Variants in ANKHD1 observed in about 807,000 individuals in gnomAD.
The protein encoded by ANKHD1 is ankyrin repeat and KH domain containing 1, also known as ankyrin repeat and KH domain-containing protein 1.
ANKHD1 carries 31 observed loss-of-function variants against 230.5 expected under a neutral mutation model. That is an observed-to-expected ratio of 0.13 (90% CI 0.10 to 0.18). The LOEUF (loss-of-function observed/expected upper bound fraction) is 0.18, where lower values mean the gene tolerates loss of function less well. ANKHD1 is among the 10% of genes least tolerant of loss of function. ANKHD1 has a pLI of 1.00. For missense variants in ANKHD1, 2,256 were observed against 3,071.3 expected (o/e 0.73, Z 6.27); for synonymous variants, 1,074 against 1,117.6 (o/e 0.96, Z 0.78).
Position 140,402,008 on chromosome 5 carries a change from A to G in ANKHD1, c.41A>G (p.Glu14Gly), listed in dbSNP as rs1769980626. The G allele has an allele frequency of 1.3e-6, 2 of 1,545,038 alleles. No homozygotes were observed. The highest frequency in any genetic ancestry group is 2.4e-5 in the South Asian group (2 of 82,036). Residue 14 changes from glutamate (E) to glycine (G), a missense_variant, in exon 1 of 34, where the codon GAG becomes GGG. Glu to Gly is a moderately conservative substitution (Grantham distance 98). Coordinates refer to ENST00000360839, the MANE Select transcript of ANKHD1 (RefSeq NM_017747.3). ...DSGGGGTSFEEDLDSVAPRSA... is the reference protein window; with the variant it reads ...DSGGGGTSFEGDLDSVAPRSA... ...GGAGGCGGCGGCACCTCCTTTGAGG[A>G]GGACCTGGACTCTGTGGCTCCGCGA...
At chr5:140,453,010 G>A (rs952318130) in intron 7 of ANKHD1, among the ~76,000 whole-genome samples, 32 of 152,194 alleles carry the variant, frequency 2.1e-4, no homozygotes, top group African/African-American at 6.3e-4. Context: ...AACCAGTGTA[G>A]AGAAGTCCTT....
chr5:140,427,260 G>A (rs904883386), intron 1 of ANKHD1, among the ~76,000 whole-genome samples: 2 of 148,556 alleles, frequency 1.3e-5, no homozygotes, highest in Non-Finnish European at 3.0e-5. Context: ...CGGGGTGGCT[G>A]GCCGGGCGGG....
chr5:140,486,915 A>T (rs746926426), intron 13 of ANKHD1, 43 bp from the exon 14 acceptor site: 2 of 1,590,982 alleles, frequency 1.3e-6, no homozygotes, highest in Non-Finnish European at 1.7e-6. Context: ...CCTTTGTCTT[A>T]TTCTTTGGTC....
At chr5:140,484,967 T>C in intron 11 of ANKHD1, 154 bp from the exon 12 acceptor site, 2 of 1,246,340 alleles carry the variant, frequency 1.6e-6, no homozygotes, top group East Asian at 6.2e-5. Context: ...CAGGTGTGTG[T>C]TCATTTTGTG....
At chr5:140,479,200 T>A (rs1751131858) in intron 10 of ANKHD1, among the ~76,000 whole-genome samples, 1 of 151,254 alleles carries the variant, frequency 6.6e-6, no homozygotes, top group East Asian at 2.0e-4. Context: ...GGTTTCACCA[T>A]GTTAGCTTGG....
chr5:140,511,049 C>A (rs1402741881), intron 22 of ANKHD1, among the ~76,000 whole-genome samples: 3 of 152,142 alleles, frequency 2.0e-5, no homozygotes, highest in Non-Finnish European at 2.9e-5. Context: ...TGGTCTCAAA[C>A]TCCTGGGCTC....
At chr5:140,422,084 A>G (rs749151692) in intron 1 of ANKHD1, among the ~76,000 whole-genome samples, 1 of 152,204 alleles carries the variant, frequency 6.6e-6, no homozygotes, top group Non-Finnish European at 1.5e-5. Context: ...TTTAAAGGTT[A>G]GAGTCCTTGG....
chr5:140,479,346 A>G (rs1751139840), intron 10 of ANKHD1, among the ~76,000 whole-genome samples: 1 of 152,294 alleles, frequency 6.6e-6, no homozygotes, highest in African/African-American at 2.4e-5. Flanking sequence ...GAACAGAAAA[A>G]GAAACATTAA....
chr5:140,516,291 CTA>C (rs1399863737), intron 24 of ANKHD1, among the ~76,000 whole-genome samples: 1 of 152,108 alleles, frequency 6.6e-6, no homozygotes, highest in Non-Finnish European at 1.5e-5. Context: ...AAATATGGGA[CTA>C]TGTGAAAAGA....
At chr5:140,487,965 G>A (rs1751582299) in intron 14 of ANKHD1, among the ~76,000 whole-genome samples, 1 of 152,150 alleles carries the variant, frequency 6.6e-6, no homozygotes, top group South Asian at 2.1e-4. Context: ...GCCAATTTTA[G>A]TAATTTAAAG....
In ANKHD1 at chr5:140,539,449, T is replaced by G; in HGVS notation, c.*31T>G. The G allele has an allele frequency of 6.2e-7, 1 of 1,604,058 alleles. No individual in the cohort carries two copies. The highest frequency in any genetic ancestry group is 1.1e-5 in the South Asian group (1 of 89,018). ...AAGGTCTTTACTCTTTAGCCTTGTTTAAGAAACCTATGACCTTGGAAGAAC... is the reference window on the plus strand; with the variant it reads ...AAGGTCTTTACTCTTTAGCCTTGTTGAAGAAACCTATGACCTTGGAAGAAC... On this transcript the variant is annotated 3_prime_UTR_variant, in exon 34 of 34. Coordinates refer to ENST00000360839, the MANE Select transcript of ANKHD1 (RefSeq NM_017747.3).
chr5:140,530,297 C>T (rs545875313), intron 29 of ANKHD1, among the ~76,000 whole-genome samples: 2 of 152,188 alleles, frequency 1.3e-5, no homozygotes, highest in East Asian at 3.9e-4. Flanking sequence ...CTGTAACCTC[C>T]GCCTCCTAGG....
At chr5:140,469,763 A>C (rs1776360350) in intron 10 of ANKHD1, among the ~76,000 whole-genome samples, 1 of 151,908 alleles carries the variant, frequency 6.6e-6, no homozygotes, top group Non-Finnish European at 1.5e-5. Flanking sequence ...TCCTGGTTAT[A>C]CATTTACATT....
chr5:140,430,354 A>G (rs1030864534), intron 1 of ANKHD1, among the ~76,000 whole-genome samples: 1 of 152,146 alleles, frequency 6.6e-6, no homozygotes, highest in Non-Finnish European at 1.5e-5. Flanking sequence ...CTATAAGTGG[A>G]TGTATTTATT....
At position 140,507,387 on chromosome 5, in the gene ANKHD1, G is replaced by A. The variant is rs1208377702; in HGVS notation, c.3552-398G>A. Among the ~76,000 whole-genome samples, 4 of 152,152 alleles carry A rather than the reference G, an allele frequency of 2.6e-5. No homozygotes were observed. The highest frequency in any genetic ancestry group is 5.9e-5 in the Non-Finnish European group (4 of 68,020). On this transcript the variant is annotated intron_variant, in intron 19 of 33. Transcript: ENST00000360839. The surrounding 1 kb of genome is among the most constrained non-coding windows in gnomAD (Gnocchi z 4.1). ...CAATGGCGCGATCTTGGCTTACCGC[G>A]AACTCTGCCTCCGGGGTTCAAGCGA...
intron 14 of ANKHD1, 44 bp downstream of exon 14, chr5:140,487,104 C>A: frequency 6.4e-7 from 1 of 1,569,068 alleles, no homozygotes; most frequent in Non-Finnish European, 8.7e-7. Context: ...ATTTTTTCAC[C>A]TAATTGATAA....
intron 10 of ANKHD1, 110 bp from the exon 11 acceptor site, chr5:140,482,470 A>G (rs2127014021): frequency 2.4e-6 from 3 of 1,226,522 alleles, no homozygotes; most frequent in Admixed American, 2.5e-5. Context: ...AGTGTCTACA[A>G]TGAGTAAGTA....
At chr5:140,451,589 C>T (rs988120218) in intron 7 of ANKHD1, among the ~76,000 whole-genome samples, 2 of 152,138 alleles carry the variant, frequency 1.3e-5, no homozygotes, top group African/African-American at 4.8e-5. Flanking sequence ...CTCACTGCAA[C>T]CTCTGCCTCC....
At position 140,457,816 on chromosome 5, in the gene ANKHD1, C is replaced by T. The variant is rs565555068; in HGVS notation, c.1243-809C>T. Among the ~76,000 whole-genome samples the T allele has an allele frequency of 2.8e-3, 426 of 151,540 alleles. 4 individuals are homozygous for T. Among genetic ancestry groups the T allele is most frequent in the Non-Finnish European group, 4.6e-3 (315 of 67,884 alleles). ...CACGTATACGTATGTAACAAACCTG[C>T]ATGTTGTGCACATGTACCCTAGAAC... On this transcript the variant is annotated intron_variant, in intron 7 of 33. Coordinates refer to ENST00000360839, the MANE Select transcript of ANKHD1 (RefSeq NM_017747.3).
Sources: gnomAD v4.1 joint callset for allele counts (sites outside exome capture counted in the v4.1 genomes callset) on GRCh38, gnomAD v4.1.1 for gene constraint, Gnocchi (gnomAD v3.1) non-coding constraint, MANE v1.5 for transcripts, NCBI Gene and HGNC (gene_info 2026-07-23, HGNC 2026-07-21) for gene names.